Variants in ZNF423 observed in about 807,000 individuals in gnomAD.
ZNF423 encodes zinc finger protein 423, also known as Ebf-associated zinc finger protein.
ZNF423 carries 12 observed loss-of-function variants against 95.8 expected under a neutral mutation model. The observed-to-expected ratio is 0.13, with a 90% CI of 0.08 to 0.20. The LOEUF is 0.20. Among genes scored for constraint, ZNF423 ranks in the 10% least tolerant of loss-of-function variants. The pLI, the probability that ZNF423 is intolerant of heterozygous loss-of-function variation, is 1.00. For synonymous variants in ZNF423, 749 were observed against 711.9 expected (o/e 1.05, Z -0.83); for missense variants, 1,316 against 1,737.1 (o/e 0.76, Z 4.31).
chr16:49,531,110 A>G (rs933610), intron 5 of ZNF423, among the ~76,000 whole-genome samples: 6,499 of 152,220 alleles, frequency 0.043, 491 homozygotes, highest in African/African-American at 0.15. Context: ...TGCATGTGAC[A>G]GCGTGGGACA....
At chr16:49,622,568 G>T (rs1241077610) in intron 5 of ZNF423, among the ~76,000 whole-genome samples, 4 of 152,216 alleles carry the variant, frequency 2.6e-5, no homozygotes, top group African/African-American at 9.6e-5. Context: ...TGCCCAGGGG[G>T]CCCTGTTCTG....
chr16:49,539,276 C>T (rs576720167), intron 5 of ZNF423, among the ~76,000 whole-genome samples: 22 of 152,286 alleles, frequency 1.4e-4, no homozygotes, highest in African/African-American at 3.8e-4. Context: ...TCTTCATGTC[C>T]GGGAGCAAGG....
chr16:49,691,622 C>G (rs986084825), intron 3 of ZNF423, among the ~76,000 whole-genome samples: 3 of 152,056 alleles, frequency 2.0e-5, no homozygotes, highest in African/African-American at 7.2e-5. Context: ...GTCCCAGCTA[C>G]TCAGGAGGCT....
chr16:49,643,153 T>C (rs150095860), intron 3 of ZNF423, among the ~76,000 whole-genome samples: 1 of 152,168 alleles, frequency 6.6e-6, no homozygotes, highest in East Asian at 1.9e-4. Context: ...AATGACACTT[T>C]CCTCATGCTG....
chr16:49,700,215 A>AACAAG (rs1555473665), intron 3 of ZNF423, among the ~76,000 whole-genome samples: 354 of 136,022 alleles, frequency 2.6e-3, no homozygotes, highest in African/African-American at 9.9e-3. Flanking sequence ...AAAAAAAAAA[A>AACAAG]AACAAGAAGA....
chr16:49,710,697 G>A (rs372325948), intron 3 of ZNF423, among the ~76,000 whole-genome samples: 2 of 152,180 alleles, frequency 1.3e-5, no homozygotes, highest in Non-Finnish European at 1.5e-5. Flanking sequence ...AGTCAAACAG[G>A]TGTCCAGCCT....
intron 3 of ZNF423, among the ~76,000 whole-genome samples, chr16:49,697,050 A>C (rs1362748281): frequency 6.6e-6 from 1 of 152,134 alleles, no homozygotes; most frequent in Non-Finnish European, 1.5e-5. Flanking sequence ...GTGGGGGAGG[A>C]GGCTGGCTGG....
At chr16:49,812,565 C>T (rs769701505) in intron 1 of ZNF423, among the ~76,000 whole-genome samples, 6 of 152,172 alleles carry the variant, frequency 3.9e-5, no homozygotes, top group South Asian at 2.1e-4. Flanking sequence ...TGGTGGCATG[C>T]GCTACTCAGG....
At chr16:49,606,933 G>A (rs1023191001) in intron 5 of ZNF423, among the ~76,000 whole-genome samples, 8 of 152,304 alleles carry the variant, frequency 5.3e-5, no homozygotes, top group African/African-American at 1.9e-4. Context: ...TCTGCAGGGA[G>A]AGGAGGTCAC....
intron 5 of ZNF423, among the ~76,000 whole-genome samples, chr16:49,581,479 C>T (rs1970672984): frequency 1.3e-5 from 2 of 152,196 alleles, no homozygotes; most frequent in South Asian, 4.1e-4. Context: ...AAATCTCTGT[C>T]CCTTGGAGGA....
chr16:49,654,712 A>C (rs1416404535), intron 3 of ZNF423, among the ~76,000 whole-genome samples: 2 of 152,220 alleles, frequency 1.3e-5, no homozygotes, highest in East Asian at 3.9e-4. Context: ...ATGGTCTTAA[A>C]TAACCCTGAT....
chr16:49,810,930 C>T (rs1469258022), intron 1 of ZNF423, among the ~76,000 whole-genome samples: 1 of 151,980 alleles, frequency 6.6e-6, no homozygotes, highest in African/African-American at 2.4e-5. Flanking sequence ...CACGGGCCCA[C>T]GAGGATGTGG....
At chr16:49,632,985 C>T (rs1004315423) in intron 4 of ZNF423, among the ~76,000 whole-genome samples, 12 of 152,194 alleles carry the variant, frequency 7.9e-5, no homozygotes, top group Non-Finnish European at 1.2e-4. Flanking sequence ...CACTGCCCCA[C>T]AGCCTGAGCA....
chr16:49,586,258 T>C (rs542004206), intron 5 of ZNF423, among the ~76,000 whole-genome samples: 2 of 151,960 alleles, frequency 1.3e-5, no homozygotes, highest in African/African-American at 4.8e-5. Context: ...TTCGATTTAA[T>C]TACCACCTTT....
intron 1 of ZNF423, among the ~76,000 whole-genome samples, chr16:49,816,807 G>A (rs907297221): frequency 3.3e-5 from 5 of 152,024 alleles, no homozygotes; most frequent in Non-Finnish European, 5.9e-5. Flanking sequence ...ATTCCAAAGC[G>A]TTTATTGTAA....
At chr16:49,721,829 C>G (rs763499893) in intron 3 of ZNF423, among the ~76,000 whole-genome samples, 3 of 152,158 alleles carry the variant, frequency 2.0e-5, no homozygotes, top group Non-Finnish European at 2.9e-5. Context: ...CACATAGACA[C>G]GGTCTATGCC....
At chr16:49,654,829 G>A (rs1012317393) in intron 3 of ZNF423, among the ~76,000 whole-genome samples, 2 of 152,218 alleles carry the variant, frequency 1.3e-5, no homozygotes, top group African/African-American at 4.8e-5. Context: ...GCAAAAGAGA[G>A]GGCAGAGTCC....
upstream of ZNF423, among the ~76,000 whole-genome samples, chr16:49,858,660 C>G (rs2035397489): frequency 6.6e-6 from 1 of 151,624 alleles, no homozygotes. This position sits in a 1 kb window ranked among gnomAD's most constrained non-coding sequence, Gnocchi z 4.3. Context: ...CCACAGTCCT[C>G]CCCAGCTTGT....
At chr16:49,783,513 G>A (rs1238415571) in intron 2 of ZNF423, among the ~76,000 whole-genome samples, 2 of 147,084 alleles carry the variant, frequency 1.4e-5, no homozygotes, top group African/African-American at 5.0e-5. Context: ...TGGGATGGGC[G>A]GGAAAGAGGG....
Sources: allele counts gnomAD v4.1 joint callset (sites outside exome capture counted in the v4.1 genomes callset), GRCh38; gene constraint gnomAD v4.1.1; non-coding constraint Gnocchi (gnomAD v3.1); transcripts MANE v1.5; gene names NCBI Gene and HGNC (gene_info 2026-07-23, HGNC 2026-07-21).